TAFA1: variants seen among roughly 807,000 people sequenced by gnomAD.
TAFA1 encodes the protein TAFA chemokine like family member 1, also known as chemokine-like protein TAFA-1.
In TAFA1, 4 loss-of-function variants were observed where a neutral mutation model predicts 18.5. The ratio of observed to expected loss-of-function variants is 0.22; its 90% confidence interval spans 0.11 to 0.49. TAFA1 has a LOEUF of 0.49. TAFA1 is among the 20% of genes least tolerant of loss of function. TAFA1 has a pLI of 0.98. For synonymous variants in TAFA1, 56 were observed against 55.2 expected, an observed-to-expected ratio of 1.01 and a Z score of -0.06; for missense variants, 147 against 169.0, an observed-to-expected ratio of 0.87 and a Z score of 0.72.
chr3:68,132,283 C>T (rs150130053), intron 2 of TAFA1, among the ~76,000 whole-genome samples: 1,824 of 152,230 alleles, frequency 0.012, 38 homozygotes, highest in African/African-American at 0.042. Context: ...ATATCATTGA[C>T]GGACATTTGG....
chr3:68,046,866 G>A (rs556141116), intron 2 of TAFA1, among the ~76,000 whole-genome samples: 1 of 152,226 alleles, frequency 6.6e-6, no homozygotes, highest in South Asian at 2.1e-4. Context: ...TCTAAGATAA[G>A]GTTAAGCCTG....
At chr3:68,295,647 C>T (rs2068194235) in intron 2 of TAFA1, among the ~76,000 whole-genome samples, 1 of 152,168 alleles carries the variant, frequency 6.6e-6, no homozygotes, top group Non-Finnish European at 1.5e-5. Flanking sequence ...TTCTCTGTCA[C>T]CCAGGCTGGA....
At chr3:68,539,690 G>GT (rs2073340153) in intron 4 of TAFA1, among the ~76,000 whole-genome samples, 2 of 95,366 alleles carry the variant, frequency 2.1e-5, no homozygotes, top group South Asian at 5.2e-4. Context: ...GGGGGGCATG[G>GT]GGTGGGTGGG....
At chr3:68,442,630 G>T (rs1406767000) in intron 3 of TAFA1, among the ~76,000 whole-genome samples, 3 of 152,142 alleles carry the variant, frequency 2.0e-5, no homozygotes, top group African/African-American at 4.8e-5. Context: ...AAAGAGGGAG[G>T]CAGGGAGGAA....
chr3:68,137,900 A>G (rs1169219807), intron 2 of TAFA1, among the ~76,000 whole-genome samples: 1 of 152,148 alleles, frequency 6.6e-6, no homozygotes, highest in Non-Finnish European at 1.5e-5. Flanking sequence ...GCTACTCCAC[A>G]GTTACCTTTA....
intron 3 of TAFA1, among the ~76,000 whole-genome samples, chr3:68,513,800 A>T (rs1466239179): frequency 6.6e-6 from 1 of 152,220 alleles, no homozygotes; most frequent in East Asian, 1.9e-4. Flanking sequence ...ATAAGCTGAT[A>T]GTTTTGACTA....
intron 2 of TAFA1, among the ~76,000 whole-genome samples, chr3:68,295,913 C>T (rs981957512): frequency 6.6e-6 from 1 of 152,034 alleles, no homozygotes; most frequent in East Asian, 1.9e-4. Context: ...GTAGCTGAGA[C>T]CAGCTATGTT....
intron 2 of TAFA1, among the ~76,000 whole-genome samples, chr3:68,314,993 C>G (rs1317616054): frequency 6.7e-6 from 1 of 150,294 alleles, no homozygotes; most frequent in Non-Finnish European, 1.5e-5. Flanking sequence ...TTAAGAAAAT[C>G]ATCAACTAGA....
intron 2 of TAFA1, among the ~76,000 whole-genome samples, chr3:68,377,233 A>C (rs968965440): frequency 1.3e-5 from 2 of 152,198 alleles, no homozygotes; most frequent in African/African-American, 4.8e-5. Flanking sequence ...AGGTTGGAAC[A>C]GTTTGGAAGG....
chr3:68,470,560 C>G (rs1251998339), intron 3 of TAFA1, among the ~76,000 whole-genome samples: 1 of 152,140 alleles, frequency 6.6e-6, no homozygotes, highest in African/African-American at 2.4e-5. Context: ...TTGTTGGGAA[C>G]TGGAGCAAAG....
At position 68,037,965 on chromosome 3, in the gene TAFA1, A is replaced by C. The variant is rs1705087222; in HGVS notation, c.118+31221A>C. Among the ~76,000 whole-genome samples the C allele has an allele frequency of 2.6e-5, 4 of 152,198 alleles. No individual in the cohort carries two copies. The South Asian group carries it at 8.3e-4, about 32-fold the overall frequency. On this transcript the variant is annotated intron_variant, in intron 2 of 4. Transcript: ENST00000478136. ...GAAATGAAGAAAAGAAAGACAAAGA[A>C]AGCCACAAGACAACTTTCCATAGAT... is the stretch of plus-strand genomic sequence containing the variant.
At chr3:68,421,526 C>T (rs891502413) in intron 3 of TAFA1, among the ~76,000 whole-genome samples, 13 of 152,020 alleles carry the variant, frequency 8.6e-5, no homozygotes, top group South Asian at 4.1e-4. Context: ...TGGATGGAAT[C>T]GCAGCTGTAC....
At chr3:68,258,128 A>C (rs1456850260) in intron 2 of TAFA1, among the ~76,000 whole-genome samples, 4 of 152,206 alleles carry the variant, frequency 2.6e-5, no homozygotes, top group Non-Finnish European at 5.9e-5. Context: ...AATAAAGTTT[A>C]GTTAATAGTA....
In TAFA1 at chr3:68,544,543, G is replaced by A. The variant is rs1248074220; in HGVS notation, c.*40G>A. The A allele has an allele frequency of 6.2e-7, 1 of 1,605,264 alleles. No individual in the cohort carries two copies. On this transcript the variant is annotated 3_prime_UTR_variant, in exon 5 of 5. Coordinates refer to ENST00000478136, the MANE Select transcript of TAFA1 (RefSeq NM_213609.4). ...GTAGTAAAGGAAAACCAACCCTCTG[G>A]AAAATACATTTTGAGAATCTCAAAC...
chr3:68,362,855 G>A (rs1290673939), intron 2 of TAFA1, among the ~76,000 whole-genome samples: 4 of 151,784 alleles, frequency 2.6e-5, no homozygotes, highest in East Asian at 1.9e-4. Flanking sequence ...GAAATTAAAT[G>A]TGGGGCATGT....
chr3:68,151,309 T>C (rs569612860), intron 2 of TAFA1, among the ~76,000 whole-genome samples: 1 of 152,320 alleles, frequency 6.6e-6, no homozygotes, highest in African/African-American at 2.4e-5. Context: ...TAAAATTATA[T>C]TGACAATGTC....
chr3:68,254,834 G>A (rs765751488), intron 2 of TAFA1, among the ~76,000 whole-genome samples: 1 of 152,132 alleles, frequency 6.6e-6, no homozygotes, highest in East Asian at 1.9e-4. Flanking sequence ...TGTTTGATTG[G>A]TTAGAGAATG....
intron 3 of TAFA1, among the ~76,000 whole-genome samples, chr3:68,500,869 A>T (rs1237482525): frequency 6.6e-6 from 1 of 152,042 alleles, no homozygotes; most frequent in East Asian, 1.9e-4. Context: ...CAGCTATCAA[A>T]AGAGGGGGAA....
At chr3:68,024,805 G>GCACACACACACACACA (rs3037727) in intron 2 of TAFA1, among the ~76,000 whole-genome samples, 977 of 73,618 alleles carry the variant, frequency 0.013, 7 homozygotes, top group African/African-American at 0.03. Context: ...TCTCCTTAAT[G>GCACACACACACACACA]CACACACACA....
Sources: gnomAD v4.1 joint callset for allele counts (sites outside exome capture counted in the v4.1 genomes callset) on GRCh38, gnomAD v4.1.1 for gene constraint, MANE v1.5 for transcripts, NCBI Gene and HGNC (gene_info 2026-07-23, HGNC 2026-07-21) for gene names.